ENOX2: variants seen among roughly 807,000 people sequenced by gnomAD.
ENOX2 encodes the protein APK1 antigen.
ENOX2 carries 36 observed loss-of-function variants against 45.0 expected under a neutral mutation model. That is an observed-to-expected ratio of 0.80 (90% CI 0.61 to 1.06). The LOEUF (loss-of-function observed/expected upper bound fraction) is 1.06, where lower values mean the gene tolerates loss of function less well. Ranked by LOEUF, ENOX2 falls within the 50% of genes least tolerant of loss-of-function variation. ENOX2 has a pLI of 0.00. For synonymous variants in ENOX2, 174 were observed against 152.3 expected (o/e 1.14, Z -1.05); for missense variants, 423 against 462.5 (o/e 0.91, Z 0.78).
chrX:130,854,545 G>T (rs1209730193), intron 2 of ENOX2, among the ~76,000 whole-genome samples: 3 of 111,276 alleles, frequency 2.7e-5, no homozygotes, highest in Non-Finnish European at 3.8e-5. Flanking sequence ...GAATCCAAAA[G>T]CTGAACTAAC....
chrX:130,859,358 C>CA (rs999428016), intron 2 of ENOX2, among the ~76,000 whole-genome samples: 4 of 110,605 alleles, frequency 3.6e-5, no homozygotes, highest in Admixed American at 9.5e-5. Flanking sequence ...CAAAACAAAA[C>CA]AAAAAAACAA....
chrX:130,844,841 G>A (rs1402187811), intron 2 of ENOX2, among the ~76,000 whole-genome samples: 1 of 112,027 alleles, frequency 8.9e-6, no homozygotes, highest in Non-Finnish European at 1.9e-5. Flanking sequence ...CCAGCACTAA[G>A]AATATAATAA....
At chrX:130,692,603 C>T (rs1459722152) in intron 4 of ENOX2, among the ~76,000 whole-genome samples, 22 of 96,111 alleles carry the variant, frequency 2.3e-4, no homozygotes, top group East Asian at 2.0e-3. Context: ...TTTTTTGAGA[C>T]GGAGTCCCGC....
chrX:130,882,618 G>A (rs186045337), intron 2 of ENOX2, among the ~76,000 whole-genome samples: 37 of 112,061 alleles, frequency 3.3e-4, no homozygotes, highest in Middle Eastern at 9.2e-3. Flanking sequence ...AAGAACATGA[G>A]TAGTAGCAAT....
intron 3 of ENOX2, among the ~76,000 whole-genome samples, chrX:130,716,472 T>G (rs1283441058): frequency 8.9e-6 from 1 of 111,983 alleles, no homozygotes; most frequent in Non-Finnish European, 1.9e-5. Context: ...CCATCTGTGG[T>G]GGAGGAAAGC....
intron 10 of ENOX2, chrX:130,645,669 G>T: frequency 2.0e-6 from 1 of 496,605 alleles, no homozygotes; most frequent in Non-Finnish European, 3.3e-6. Context: ...GCACCTAAGG[G>T]CTGGGCCTGC....
At chrX:130,656,529 T>C (rs1361738299) in intron 10 of ENOX2, 52 bp downstream of exon 10, 9 of 772,001 alleles carry the variant, frequency 1.2e-5, no homozygotes, top group Admixed American at 2.5e-5. Context: ...TTTGAAAATA[T>C]CATGTCTGCA....
intron 13 of ENOX2, among the ~76,000 whole-genome samples, chrX:130,631,122 G>A (rs940443948): frequency 9.0e-6 from 1 of 110,906 alleles, no homozygotes; most frequent in Non-Finnish European, 1.9e-5. Flanking sequence ...TACGGTCTGC[G>A]CTAGCCCCCT....
At chrX:130,719,052 T>C (rs1399247913) in intron 3 of ENOX2, among the ~76,000 whole-genome samples, 1 of 112,270 alleles carries the variant, frequency 8.9e-6, no homozygotes, top group African/African-American at 3.2e-5. Context: ...TTTGCCTGTG[T>C]GCTATTAACA....
chrX:130,767,745 G>A (rs2039650272), intron 3 of ENOX2, among the ~76,000 whole-genome samples: 2 of 112,345 alleles, frequency 1.8e-5, no homozygotes, highest in Non-Finnish European at 3.8e-5. Context: ...TCGCCATGTT[G>A]GAGCTTGGTC....
Position 130,688,999 on chromosome X carries a change from T to A in ENOX2, c.117A>T (p.Gly39=). ...PILPDFDPAL[G]MMTGIPPITP... is the part of the protein sequence containing the mutation. ...TTATTGGTGGAATTCCAGTCATCAT[T>A]CCAAGAGCAGGATCAAAGTCTAAAA... Residue 39 remains glycine, a synonymous_variant, in exon 5 of 15, where the codon GGA becomes GGT. Coordinates refer to ENST00000394363, the MANE Select transcript of ENOX2 (RefSeq NM_006375.4). 8.3e-7 allele frequency: 1 copy of A among 1,208,067 alleles called. No individual in the cohort carries two copies. The highest frequency in any genetic ancestry group is 1.7e-5 in the African/African-American group (1 of 57,623).
chrX:130,826,571 C>T (rs1221389151), intron 2 of ENOX2, among the ~76,000 whole-genome samples: 2 of 111,530 alleles, frequency 1.8e-5, no homozygotes, highest in East Asian at 5.6e-4. Flanking sequence ...TGGGTCCAGA[C>T]ATCAATTTGT....
At chrX:130,634,585 G>T (rs2035879088) in intron 12 of ENOX2, among the ~76,000 whole-genome samples, 1 of 111,914 alleles carries the variant, frequency 8.9e-6, no homozygotes, top group African/African-American at 3.2e-5. Context: ...ATGCCAATGT[G>T]CTAGCTGCAC....
chrX:130,868,797 C>G (rs938304627), intron 2 of ENOX2, among the ~76,000 whole-genome samples: 2 of 111,422 alleles, frequency 1.8e-5, no homozygotes, highest in African/African-American at 6.5e-5. Context: ...CAAATTAATA[C>G]ACCCACAATG....
rs1182342147 is a variant in ENOX2 at position 130,631,503 on chromosome X, C to G, written c.1493G>C (p.Ser498Thr). The change falls in exon 13 of 15, where the codon AGT (serine) becomes ACT (threonine). Residue 498 changes from serine (S) to threonine (T), a missense_variant. Ser to Thr is a moderately conservative substitution (Grantham distance 58, BLOSUM62 1). Around this residue, in one of 5 missense-constraint regions of ENOX2, gnomAD observed 108 missense variants for 70.6 expected, o/e 1.53. Transcript: ENST00000394363. Reference sequence around the variant, plus strand: ...TGCTTCACGTTCAGATTTGATAGGACTGCTGTTCATGGTCTTCTCAAGAGG... The same window carrying G: ...TGCTTCACGTTCAGATTTGATAGGAGTGCTGTTCATGGTCTTCTCAAGAGG... ...EYPLEKTMNS[S>T]PIKSEREALL... 3 of 1,200,654 alleles carry G rather than the reference C, an allele frequency of 2.5e-6. No homozygotes were observed. The highest frequency in any genetic ancestry group is 3.4e-6 in the Non-Finnish European group (3 of 886,783).
intron 3 of ENOX2, among the ~76,000 whole-genome samples, chrX:130,703,592 T>C (rs1391650892): frequency 9.0e-6 from 1 of 111,464 alleles, no homozygotes; most frequent in African/African-American, 3.3e-5. Flanking sequence ...TTTTCTATTC[T>C]TCTCACAGTC....
At chrX:130,864,528 G>A (rs2078460836) in intron 2 of ENOX2, among the ~76,000 whole-genome samples, 1 of 111,810 alleles carries the variant, frequency 8.9e-6, no homozygotes, top group South Asian at 3.7e-4. Context: ...CTAAGTTTGA[G>A]GGTAATTTGT....
rs188824830 is a variant in ENOX2, at chrX:130,867,419, C to G, written c.-183+34265G>C. 2.7e-5 allele frequency among the ~76,000 whole-genome samples: 3 copies of G among 111,552 alleles called. No homozygotes were observed. In the East Asian group the frequency reaches 8.4e-4, roughly 31 times the overall value. On this transcript the variant is annotated intron_variant, in intron 2 of 14. Coordinates refer to ENST00000394363, the MANE Select transcript of ENOX2 (RefSeq NM_006375.4). ...GGAAATCTGAATCTATATTAATGAA[C>G]TTTTGGGGCTTTGTTATATTAAAAC...
At chrX:130,669,838 C>T (rs2036930881) in intron 7 of ENOX2, 127 bp downstream of exon 7, 1 of 522,564 alleles carries the variant, frequency 1.9e-6, no homozygotes, top group Non-Finnish European at 3.2e-6. Flanking sequence ...AAGGCTCCAA[C>T]ACAAGAAATG....
Sources: gnomAD v4.1 joint callset for allele counts (sites outside exome capture counted in the v4.1 genomes callset) on GRCh38, gnomAD v4.1.1 for gene constraint, gnomAD v4.1.1 regional missense constraint, MANE v1.5 for transcripts, NCBI Gene and HGNC (gene_info 2026-07-23, HGNC 2026-07-21) for gene names.